CSMD1: variants seen among roughly 807,000 people sequenced by gnomAD.
The protein encoded by CSMD1 is CUB and sushi domain-containing protein 1.
Under a neutral mutation model 417.5 loss-of-function variants are expected in CSMD1, and 213 were observed. The ratio of observed to expected loss-of-function variants is 0.51; its 90% CI spans 0.46 to 0.57. The LOEUF is 0.57. CSMD1 is among the 20% of genes least tolerant of loss of function. The pLI, the probability that CSMD1 is intolerant of heterozygous loss-of-function variation, is 0.00. For synonymous variants in CSMD1, 2,862 were observed against 1,736.8 expected (o/e 1.65, Z -16.11); for missense variants, 6,923 against 4,529.7 (o/e 1.53, Z -15.17).
intron 12 of CSMD1, among the ~76,000 whole-genome samples, chr8:3,425,247 G>A (rs958330377): frequency 6.6e-6 from 1 of 152,164 alleles, no homozygotes; most frequent in Non-Finnish European, 1.5e-5. Context: ...TCCACTGGGG[G>A]ACTTAGAGCT....
At chr8:4,892,008 A>G (rs12541573) in intron 1 of CSMD1, among the ~76,000 whole-genome samples, 143,141 of 152,136 alleles carry the variant, frequency 0.94, 67,629 homozygotes, top group East Asian at 1. Context: ...TAAACACTGT[A>G]ATGAGAGCAC....
intron 9 of CSMD1, among the ~76,000 whole-genome samples, chr8:3,577,000 C>T (rs17066430): frequency 0.013 from 1,957 of 152,214 alleles, 49 homozygotes; most frequent in African/African-American, 0.044. Flanking sequence ...TTGGCATTGT[C>T]GGCCTGCATT....
intron 10 of CSMD1, among the ~76,000 whole-genome samples, chr8:3,500,335 T>C (rs1422770708): frequency 1.5e-5 from 2 of 136,544 alleles, no homozygotes; most frequent in Non-Finnish European, 3.4e-5. Flanking sequence ...GCATGACTTT[T>C]AGACATTTCT....
At position 3,891,031 on chromosome 8, in the gene CSMD1, C is replaced by A. The variant is rs116213162; in HGVS notation, c.818+106872G>T. ...TGAAGGCCGTGAAATAATTGAGCAG[C>A]TTTTTTGTTTTTTTTTTGTTTTATT... On this transcript the variant is annotated intron_variant, in intron 5 of 69. Coordinates refer to ENST00000635120, the MANE Select transcript of CSMD1 (RefSeq NM_033225.6). Among the ~76,000 whole-genome samples the A allele has an allele frequency of 1.6e-3, 248 of 151,288 alleles. 3 individuals carry two copies. Among genetic ancestry groups the A allele is most frequent in the African/African-American group, 5.6e-3 (229 of 40,978 alleles).
chr8:4,346,164 G>C (rs904206011), intron 3 of CSMD1, among the ~76,000 whole-genome samples: 4 of 152,076 alleles, frequency 2.6e-5, no homozygotes, highest in African/African-American at 4.8e-5. Context: ...GGTCAACTAT[G>C]GTTAACAATC....
At chr8:3,918,899 A>G (rs563394378) in intron 5 of CSMD1, among the ~76,000 whole-genome samples, 1 of 151,758 alleles carries the variant, frequency 6.6e-6, no homozygotes, top group Admixed American at 6.6e-5. Context: ...AAGGGGGTGA[A>G]GGATAAAAGA....
intron 26 of CSMD1, among the ~76,000 whole-genome samples, chr8:3,270,027 G>A (rs142020016): frequency 9.2e-4 from 137 of 148,516 alleles, no homozygotes; most frequent in African/African-American, 3.1e-3. Flanking sequence ...AGATGAGCAA[G>A]GACTTTCTCT....
intron 1 of CSMD1, among the ~76,000 whole-genome samples, chr8:4,869,315 G>A (rs1312821680): frequency 1.3e-5 from 2 of 151,980 alleles, no homozygotes; most frequent in Non-Finnish European, 2.9e-5. Flanking sequence ...AAACAGTGGA[G>A]GAGTTGTGTC....
At chr8:3,990,562 A>G (rs1585091011) in intron 5 of CSMD1, among the ~76,000 whole-genome samples, 1 of 152,364 alleles carries the variant, frequency 6.6e-6, no homozygotes, top group East Asian at 1.9e-4. Flanking sequence ...TCAATAAATT[A>G]GAAAAGTGTC....
intron 3 of CSMD1, among the ~76,000 whole-genome samples, chr8:4,215,127 G>A (rs1347250469): frequency 1.3e-5 from 2 of 152,112 alleles, no homozygotes; most frequent in Non-Finnish European, 2.9e-5. Context: ...AGTTCTCAGG[G>A]TGCCAACCTA....
chr8:4,878,913 G>A (rs563432373), intron 1 of CSMD1, among the ~76,000 whole-genome samples: 12 of 151,384 alleles, frequency 7.9e-5, no homozygotes, highest in Non-Finnish European at 1.8e-4. Flanking sequence ...CAGAGAGAAC[G>A]ACAAGGTGAA....
chr8:3,286,212 A>T (rs997620283), intron 25 of CSMD1, among the ~76,000 whole-genome samples: 1 of 152,120 alleles, frequency 6.6e-6, no homozygotes, highest in Non-Finnish European at 1.5e-5. Flanking sequence ...ACAATTTCTT[A>T]ATCCAGTCTA....
intron 3 of CSMD1, among the ~76,000 whole-genome samples, chr8:4,213,836 T>C (rs182907230): frequency 2.6e-5 from 4 of 152,328 alleles, no homozygotes; most frequent in Admixed American, 6.5e-5. Context: ...AGACAGTTAT[T>C]GAACCCCAGT....
intron 2 of CSMD1, among the ~76,000 whole-genome samples, chr8:4,500,067 G>A (rs1207825538): frequency 1.2e-5 from 1 of 80,464 alleles, no homozygotes; most frequent in Non-Finnish European, 2.6e-5. Flanking sequence ...AGAATACAAT[G>A]TGTCTGAAGA....
At chr8:4,463,452 T>C (rs946408969) in intron 2 of CSMD1, among the ~76,000 whole-genome samples, 4 of 152,142 alleles carry the variant, frequency 2.6e-5, no homozygotes, top group East Asian at 1.9e-4. Flanking sequence ...ACGTAAAAAT[T>C]TGTATGCAAA....
chr8:3,881,216 G>C (rs772296443), intron 5 of CSMD1, among the ~76,000 whole-genome samples: 1 of 150,886 alleles, frequency 6.6e-6, no homozygotes, highest in African/African-American at 2.4e-5. Flanking sequence ...ATAGATTCAA[G>C]TCACTCTCAA....
chr8:3,916,493 T>C (rs1325506162), intron 5 of CSMD1, among the ~76,000 whole-genome samples: 6 of 152,200 alleles, frequency 3.9e-5, no homozygotes. Flanking sequence ...AAATTTCTGA[T>C]AAATGGGAAT....
At chr8:4,313,507 G>GAA (rs34466873) in intron 3 of CSMD1, among the ~76,000 whole-genome samples, 3,578 of 136,760 alleles carry the variant, frequency 0.026, 98 homozygotes, top group South Asian at 0.088. Context: ...ATGTCAAAAT[G>GAA]AAAAAAAAAA....
At chr8:4,973,185 T>G (rs373508999) in intron 1 of CSMD1, among the ~76,000 whole-genome samples, 1 of 152,132 alleles carries the variant, frequency 6.6e-6, no homozygotes, top group South Asian at 2.1e-4. Flanking sequence ...ACTTTATTAC[T>G]TTTTAGTGCC....
Sources: allele counts gnomAD v4.1 joint callset (sites outside exome capture counted in the v4.1 genomes callset), GRCh38; gene constraint gnomAD v4.1.1; transcripts MANE v1.5; gene names NCBI Gene and HGNC (gene_info 2026-07-23, HGNC 2026-07-21).